The following MTAP variants were observed in gnomAD, a reference collection of about 807,000 sequenced individuals.
MTAP encodes the protein methylthioadenosine phosphorylase.
A neutral mutation model predicts 33.6 loss-of-function variants in MTAP; 33 were observed. That is an observed-to-expected ratio of 0.98 (90% CI 0.74 to 1.31). The LOEUF (loss-of-function observed/expected upper bound fraction) is 1.31, where lower values mean the gene tolerates loss of function less well. Among genes scored for constraint, MTAP ranks in the 40% most tolerant of loss-of-function variants. The pLI is 0.00. For missense variants in MTAP, 367 were observed against 360.0 expected, an observed-to-expected ratio of 1.02 and a Z score of -0.16; for synonymous variants, 148 against 125.7, an observed-to-expected ratio of 1.18 and a Z score of -1.19.
At position 21,802,723 on chromosome 9, in the gene MTAP, A is replaced by C; in HGVS notation, c.-26A>C. On this transcript the variant is annotated 5_prime_UTR_variant, in exon 1 of 8. Coordinates refer to ENST00000644715, the MANE Select transcript of MTAP (RefSeq NM_002451.4). ...TTCCCTTAGTCCCGAGCGCTCGCCC[A>C]CTGCAGATTCCTTTCCCGTGCAGAC... is the stretch of plus-strand genomic sequence containing the variant. 2 of 1,610,730 alleles carry C rather than the reference A, an allele frequency of 1.2e-6. No homozygotes were observed. The highest frequency in any genetic ancestry group is 1.7e-6 in the Non-Finnish European group (2 of 1,179,330).
downstream of MTAP, among the ~76,000 whole-genome samples, chr9:21,867,804 A>G (rs1425148337): frequency 6.6e-6 from 1 of 152,208 alleles, no homozygotes; most frequent in African/African-American, 2.4e-5. Context: ...TGATACCTGA[A>G]AATATTTTGC....
chr9:21,930,783 C>A, intron 1 of MTAP: 1 of 720,046 alleles, frequency 1.4e-6, no homozygotes, highest in South Asian at 1.6e-5. Context: ...TTGGGTAAAT[C>A]AATCAGTAAA....
In MTAP at chr9:21,864,643, C is replaced by G. The variant is rs571668778; in HGVS notation, c.*2629C>G. The G allele has an allele frequency of 2.0e-6, 2 of 985,348 alleles. No individual in the cohort carries two copies. Among genetic ancestry groups the G allele is most frequent in the Non-Finnish European group, 2.4e-6 (2 of 829,996 alleles). 61.0% of individuals were successfully genotyped at this position (985,348 alleles called of 1,614,324 possible). A position where few individuals can be genotyped will look rare whatever the true frequency, so the allele number is the denominator to read the frequency against. On this transcript the variant is annotated 3_prime_UTR_variant, in exon 8 of 8. Transcript: ENST00000644715. ...CTGTTCACTGCCCCCTTCGCTAGCA[C>G]GAGTTGCTGTGCAGGGCTGGAGGTA...
At chr9:21,815,094 G>A in intron 1 of MTAP, among the ~76,000 whole-genome samples, 1 of 152,136 alleles carries the variant, frequency 6.6e-6, no homozygotes, top group Non-Finnish European at 1.5e-5. Context: ...TACCATACTT[G>A]CCTACTTTTA....
chr9:21,824,966 T>G (rs1311592679), intron 4 of MTAP, among the ~76,000 whole-genome samples: 1 of 152,126 alleles, frequency 6.6e-6, no homozygotes, highest in Non-Finnish European at 1.5e-5. Context: ...AGTATTAGGG[T>G]GGCAGTGACC....
intron 4 of MTAP, among the ~76,000 whole-genome samples, chr9:21,822,798 A>G (rs1201312498): frequency 6.6e-6 from 1 of 151,886 alleles, no homozygotes; most frequent in East Asian, 1.9e-4. Context: ...GACTTGCTTT[A>G]TGAATCTGGG....
intron 1 of MTAP, among the ~76,000 whole-genome samples, chr9:21,876,822 G>C (rs1435305076): frequency 1.3e-5 from 2 of 151,850 alleles, no homozygotes; most frequent in Non-Finnish European, 2.9e-5. Context: ...TGTTCTCTTT[G>C]CGTAGGATTG....
chr9:21,883,799 A>C (rs545236536), intron 1 of MTAP, among the ~76,000 whole-genome samples: 1 of 151,884 alleles, frequency 6.6e-6, no homozygotes, highest in East Asian at 1.9e-4. Context: ...AGCAATACCT[A>C]GTGTGGCCTG....
chr9:21,834,867 A>T (rs1825063488), intron 4 of MTAP, among the ~76,000 whole-genome samples: 1 of 152,196 alleles, frequency 6.6e-6, no homozygotes. Flanking sequence ...TCTAAAATGG[A>T]GATGTTATTG....
In MTAP at chr9:21,862,225, T is replaced by A; in HGVS notation, c.*211T>A. ...AAAATACAGAAGAAAAGCAAATGAC[T>A]AGTAAACATGTGGGAAAAAATATTA... On this transcript the variant is annotated 3_prime_UTR_variant, in exon 8 of 8. Transcript: ENST00000644715. The A allele has an allele frequency of 8.1e-7, 1 of 1,229,388 alleles. No individual in the cohort carries two copies. Among genetic ancestry groups the A allele is most frequent in the Non-Finnish European group, 1.0e-6 (1 of 957,720 alleles). 76.2% of individuals were successfully genotyped at this position (1,229,388 alleles called of 1,614,324 possible).
At chr9:21,833,149 T>C (rs1825014882) in intron 4 of MTAP, among the ~76,000 whole-genome samples, 1 of 152,120 alleles carries the variant, frequency 6.6e-6, no homozygotes, top group Non-Finnish European at 1.5e-5. Context: ...ACCAGAACAG[T>C]GGGAGGATCT....
intron 1 of MTAP, chr9:21,930,385 C>G: frequency 4.9e-6 from 1 of 204,642 alleles, no homozygotes; most frequent in Non-Finnish European, 9.8e-6. Flanking sequence ...AATGCCTCCT[C>G]ATTAAATGGA....
At chr9:21,825,653 C>T (rs1046402506) in intron 4 of MTAP, among the ~76,000 whole-genome samples, 2 of 152,132 alleles carry the variant, frequency 1.3e-5, no homozygotes, top group African/African-American at 4.8e-5. Context: ...GCTTGGGCAA[C>T]ATAGTGAGAC....
At chr9:21,836,164 G>C (rs1825101173) in intron 4 of MTAP, among the ~76,000 whole-genome samples, 1 of 152,190 alleles carries the variant, frequency 6.6e-6, no homozygotes, top group African/African-American at 2.4e-5. Flanking sequence ...TTGTAAATAG[G>C]TGGATGAATA....
At chr9:21,880,298 C>G (rs1340471153) in intron 1 of MTAP, among the ~76,000 whole-genome samples, 3 of 152,132 alleles carry the variant, frequency 2.0e-5, no homozygotes, top group Non-Finnish European at 4.4e-5. Flanking sequence ...CAGTGCCATA[C>G]TCTTGGACTT....
intron 1 of MTAP, among the ~76,000 whole-genome samples, chr9:21,901,916 CT>C (rs1012139547): frequency 6.6e-6 from 1 of 152,154 alleles, no homozygotes; most frequent in African/African-American, 2.4e-5. Context: ...AGTTTTCTAG[CT>C]GCTAGAAATA....
rs779157378 is a variant in MTAP, at chr9:21,818,184, T to C, written c.329T>C (p.Ile110Thr). Residue 110 changes from isoleucine to threonine, a missense_variant, in exon 4 of 8, where the codon ATT becomes ACT. Ile to Thr is a moderately conservative substitution (Grantham distance 89, BLOSUM62 -1). Coordinates refer to ENST00000644715, the MANE Select transcript of MTAP (RefSeq NM_002451.4). ...EEIQPGDIVI[I>T]DQFIDRTTMR... ...ATTCAGCCCGGCGATATTGTCATTA[T>C]TGATCAGTTCATTGACAGGTAAGCA... The C allele has an allele frequency of 7.4e-6, 12 of 1,613,926 alleles. No homozygotes were observed. The highest frequency in any genetic ancestry group is 1.3e-5 in the African/African-American group (1 of 74,896).
intron 1 of MTAP, among the ~76,000 whole-genome samples, chr9:21,904,328 C>G (rs1000103198): frequency 6.6e-6 from 1 of 152,124 alleles, no homozygotes; most frequent in Admixed American, 6.5e-5. Context: ...GCAACATTTG[C>G]GCAGGAAAAC....
At chr9:21,813,549 C>T (rs371633593) in intron 1 of MTAP, among the ~76,000 whole-genome samples, 90 of 152,178 alleles carry the variant, frequency 5.9e-4, no homozygotes, top group African/African-American at 2.1e-3. Context: ...GGCAAGTTCA[C>T]CTAAACTCAG....
Sources: gnomAD v4.1 joint callset for allele counts (sites outside exome capture counted in the v4.1 genomes callset) on GRCh38, gnomAD v4.1.1 for gene constraint, MANE v1.5 for transcripts, NCBI Gene and HGNC (gene_info 2026-07-23, HGNC 2026-07-21) for gene names.